GNPNAT1: variants seen among roughly 807,000 people sequenced by gnomAD.
The protein encoded by GNPNAT1 is glucosamine-phosphate N-acetyltransferase 1.
In GNPNAT1, 11 loss-of-function variants were observed where a neutral mutation model predicts 19.8. That is an observed-to-expected ratio of 0.56 (90% confidence interval 0.35 to 0.92). The LOEUF (loss-of-function observed/expected upper bound fraction) is 0.92, where lower values mean the gene tolerates loss of function less well. Among genes scored for constraint, GNPNAT1 ranks in the 40% least tolerant of loss-of-function variants. The pLI, the probability that GNPNAT1 is intolerant of heterozygous loss-of-function variation, is 0.01. For missense variants in GNPNAT1, 157 were observed against 211.0 expected (o/e 0.74, Z 1.59); for synonymous variants, 71 against 72.3 (o/e 0.98, Z 0.09).
At chr14:52,779,750 A>AAC (rs398025082) in intron 5 of GNPNAT1, among the ~76,000 whole-genome samples, 4 of 150,704 alleles carry the variant, frequency 2.7e-5, no homozygotes, top group Admixed American at 2.0e-4. Flanking sequence ...AAAAAAAAAA[A>AAC]CATAAATTAT....
At position 52,777,245 on chromosome 14, in the gene GNPNAT1, T is replaced by G. The variant is rs1472405971; in HGVS notation, c.*1066A>C. ...AGACTCAAGAAAAGCACAGATGTGATTCTAACAGAAGACTACTCATATAAA... is the reference window on the plus strand; with the variant it reads ...AGACTCAAGAAAAGCACAGATGTGAGTCTAACAGAAGACTACTCATATAAA... On this transcript the variant is annotated 3_prime_UTR_variant, in exon 6 of 6. Coordinates refer to ENST00000216410, the MANE Select transcript of GNPNAT1 (RefSeq NM_198066.4). 6.6e-6 allele frequency: 1 copy of G among 152,654 alleles called. No individual in the cohort carries two copies. Among genetic ancestry groups the G allele is most frequent in the Non-Finnish European group, 1.5e-5 (1 of 68,044 alleles). The allele number at this position is 152,654 out of a possible 1,614,324, so 9.5% of individuals were successfully genotyped here.
intron 5 of GNPNAT1, among the ~76,000 whole-genome samples, chr14:52,780,126 C>T (rs941236912): frequency 6.6e-6 from 1 of 152,166 alleles, no homozygotes. Context: ...GATTGAGCCA[C>T]TGCACCTCAG....
chr14:52,781,754 C>G, intron 4 of GNPNAT1, 30 bp downstream of exon 4: 1 of 1,559,868 alleles, frequency 6.4e-7, no homozygotes, highest in Non-Finnish European at 8.6e-7. Context: ...TAGAAAACAG[C>G]TGTCCATTTT....
rs746050606 is a variant in GNPNAT1, at chr14:52,775,362, A to C, written c.*2949T>G. On this transcript the variant is annotated 3_prime_UTR_variant, in exon 6 of 6. Transcript: ENST00000216410. Reference sequence around the variant, plus strand: ...ATTACCATCTTCCCCCATTAGGCCTACCTGCATACTGTGCTTCATCAAATC... The same window carrying C: ...ATTACCATCTTCCCCCATTAGGCCTCCCTGCATACTGTGCTTCATCAAATC... 1 of 152,174 alleles carries C rather than the reference A, an allele frequency of 6.6e-6. No homozygotes were observed. Among genetic ancestry groups the C allele is most frequent in the African/African-American group, 2.4e-5 (1 of 41,444 alleles). 9.4% of individuals were successfully genotyped at this position (152,174 alleles called of 1,614,324 possible). A position where few individuals can be genotyped will look rare whatever the true frequency, so the allele number is the denominator to read the frequency against.
At position 52,783,407 on chromosome 14, in the gene GNPNAT1, A is replaced by G. The variant is rs752280262; in HGVS notation, c.217+16T>C. ...TGTTTCCCTTTATTTCAGGAAAAAG[A>G]GGTTATAGTACTTACTCATAAATTG... On this transcript the variant is annotated intron_variant, in intron 3 of 5. Transcript: ENST00000216410. The G allele has an allele frequency of 2.3e-5, 36 of 1,535,502 alleles. No homozygotes were observed. The highest frequency in any genetic ancestry group is 3.1e-5 in the Non-Finnish European group (35 of 1,114,306).
chr14:52,781,437 A>T (rs535767509), intron 4 of GNPNAT1, among the ~76,000 whole-genome samples: 116 of 152,260 alleles, frequency 7.6e-4, no homozygotes, highest in Middle Eastern at 6.8e-3. Context: ...ATGTATCATA[A>T]TTAGAACGGA....
intron 5 of GNPNAT1, among the ~76,000 whole-genome samples, chr14:52,779,600 G>A (rs952596308): frequency 2.0e-5 from 3 of 151,470 alleles, no homozygotes; most frequent in Non-Finnish European, 4.4e-5. Context: ...TGCACCTGTA[G>A]TCCCAGCTAC....
At position 52,778,111 on chromosome 14, in the gene GNPNAT1, T is replaced by TA; in HGVS notation, c.*199dup. 2.7e-6 allele frequency: 1 copy of TA among 367,444 alleles called. No homozygotes were observed. The highest frequency in any genetic ancestry group is 4.9e-6 in the Non-Finnish European group (1 of 206,054). The allele number at this position is 367,444 out of a possible 1,614,324, so 22.8% of individuals were successfully genotyped here. A position where few individuals can be genotyped will look rare whatever the true frequency, so the allele number is the denominator to read the frequency against. ...TGGTTAAAAATCATCCCCTTTATAA[T>TA]ATTCATTTGTAATCTAAATTCACAG... is the stretch of plus-strand genomic sequence containing the variant. On this transcript the variant is annotated 3_prime_UTR_variant, in exon 6 of 6. Coordinates refer to ENST00000216410, the MANE Select transcript of GNPNAT1 (RefSeq NM_198066.4).
At chr14:52,779,133 G>A (rs1202555424) in intron 5 of GNPNAT1, among the ~76,000 whole-genome samples, 2 of 151,784 alleles carry the variant, frequency 1.3e-5, no homozygotes, top group African/African-American at 2.4e-5. Flanking sequence ...AAACAACTTC[G>A]GAGCAGTCGA....
chr14:52,789,048 A>G (rs1216416859), intron 1 of GNPNAT1, among the ~76,000 whole-genome samples: 1 of 152,196 alleles, frequency 6.6e-6, no homozygotes, highest in East Asian at 1.9e-4. Flanking sequence ...AATTTTACAG[A>G]TAAGGAAGCA....
intron 1 of GNPNAT1, among the ~76,000 whole-genome samples, chr14:52,785,512 C>T (rs1371564437): frequency 1.3e-5 from 2 of 151,320 alleles, no homozygotes; most frequent in Non-Finnish European, 2.9e-5. Flanking sequence ...CACCTGAGGT[C>T]GGGAGTTCGA....
Position 52,784,776 on chromosome 14 carries a change from C to T in GNPNAT1, c.-14-112G>A, listed in dbSNP as rs557607968. ...TTAGAAGCATTCTTTAGCACATATG[C>T]GAGATATTTTACTGCAACCCAGCCT... On this transcript the variant is annotated intron_variant, in intron 1 of 5. Transcript: ENST00000216410. The T allele has an allele frequency of 6.6e-5, 30 of 453,894 alleles. No homozygotes were observed. The Admixed American group carries it at 9.2e-4, about 14-fold the overall frequency. The allele number at this position is 453,894 out of a possible 1,614,324, so 28.1% of individuals were successfully genotyped here.
chr14:52,789,800 A>G (rs958733869), intron 1 of GNPNAT1, among the ~76,000 whole-genome samples: 2 of 152,168 alleles, frequency 1.3e-5, no homozygotes, highest in African/African-American at 2.4e-5. Context: ...TAGGTTCTTT[A>G]AAGTTTTTAG....
intron 2 of GNPNAT1, among the ~76,000 whole-genome samples, chr14:52,783,902 C>G (rs1460312312): frequency 6.6e-6 from 1 of 152,134 alleles, no homozygotes; most frequent in Non-Finnish European, 1.5e-5. Flanking sequence ...AGATTACACT[C>G]TTTAAAATTG....
intron 1 of GNPNAT1, among the ~76,000 whole-genome samples, chr14:52,789,601 T>TAA (rs1449950333): frequency 6.6e-6 from 1 of 152,160 alleles, no homozygotes; most frequent in Non-Finnish European, 1.5e-5. Context: ...GGTGCCCAAC[T>TAA]AAGGTACTGG....
chr14:52,777,582 T>G lies in GNPNAT1; in HGVS notation c.*729A>C, dbSNP rs531246546. 1 of 152,276 alleles carries G rather than the reference T, an allele frequency of 6.6e-6. No individual in the cohort carries two copies. The highest frequency in any genetic ancestry group is 2.1e-4 in the South Asian group (1 of 4,826). The allele number at this position is 152,276 out of a possible 1,614,324, so 9.4% of individuals were successfully genotyped here. On this transcript the variant is annotated 3_prime_UTR_variant, in exon 6 of 6. Transcript: ENST00000216410. ...GCTAATTCACTGTTTACAGAGGACC[T>G]TAGATGTCCCACTATAATTGCTCTT...
intron 5 of GNPNAT1, among the ~76,000 whole-genome samples, chr14:52,779,410 C>G (rs952420831): frequency 6.6e-6 from 1 of 151,946 alleles, no homozygotes; most frequent in African/African-American, 2.4e-5. Context: ...ACTAAAAAAT[C>G]CTATTTTTAA....
rs375858982 is a variant in GNPNAT1, at chr14:52,782,916, G to A, written c.217+507C>T. ...CAGAATTAAGGTTTTATTCCTCACC[G>A]TAGCAATAACTACCTGTGATCTTGG... On this transcript the variant is annotated intron_variant, in intron 3 of 5. Coordinates refer to ENST00000216410, the MANE Select transcript of GNPNAT1 (RefSeq NM_198066.4). 8.5e-5 allele frequency among the ~76,000 whole-genome samples: 13 copies of A among 152,074 alleles called. No individual in the cohort carries two copies. In the East Asian group the frequency reaches 2.1e-3, roughly 25 times the overall value.
At chr14:52,779,750 A>C (rs1005437893) in intron 5 of GNPNAT1, among the ~76,000 whole-genome samples, 1 of 150,600 alleles carries the variant, frequency 6.6e-6, no homozygotes, top group Non-Finnish European at 1.5e-5. Context: ...AAAAAAAAAA[A>C]CATAAATTAT....
Sources: allele counts gnomAD v4.1 joint callset (sites outside exome capture counted in the v4.1 genomes callset), GRCh38; gene constraint gnomAD v4.1.1; transcripts MANE v1.5; gene names NCBI Gene and HGNC (gene_info 2026-07-23, HGNC 2026-07-21).